Variants in NOX4 observed in about 807,000 individuals in gnomAD.
The protein encoded by NOX4 is kidney oxidase-1.
In NOX4, 69 loss-of-function variants were observed where a neutral mutation model predicts 87.6. That is an observed-to-expected ratio of 0.79 (90% CI 0.65 to 0.96). NOX4 has a LOEUF of 0.96. Ranked by LOEUF, NOX4 falls within the 40% of genes least tolerant of loss-of-function variation. The probability of loss-of-function intolerance (pLI) is 0.00; values close to 1 mark genes in which losing one functional copy is unlikely to be tolerated. For missense variants in NOX4, 680 were observed against 681.5 expected (o/e 1.00, Z 0.02); for synonymous variants, 275 against 238.2 (o/e 1.15, Z -1.42).
At chr11:89,564,630 G>T in the NOX4 span, among the ~76,000 whole-genome samples, 1 of 152,078 alleles carries the variant, frequency 6.6e-6, no homozygotes, top group Non-Finnish European at 1.5e-5. Flanking sequence ...GAGCTTGTTT[G>T]TTTGCAACAC....
At chr11:89,460,142 C>T (rs1488798316) in intron 2 of NOX4, among the ~76,000 whole-genome samples, 2 of 152,092 alleles carry the variant, frequency 1.3e-5, no homozygotes, top group Non-Finnish European at 2.9e-5. Context: ...CTTCCTTACA[C>T]CTTATACAAA....
intron 13 of NOX4, among the ~76,000 whole-genome samples, chr11:89,343,870 C>T (rs1173925472): frequency 2.0e-5 from 3 of 151,884 alleles, no homozygotes; most frequent in Non-Finnish European, 2.9e-5. Context: ...TAAGATAATT[C>T]TAAGAATAAG....
chr11:89,409,124 T>G (rs1316833360), intron 8 of NOX4, among the ~76,000 whole-genome samples: 1 of 152,138 alleles, frequency 6.6e-6, no homozygotes, highest in Non-Finnish European at 1.5e-5. Context: ...ATCCATTACT[T>G]CTTAGTATTT....
rs566233204 is a variant in NOX4, at chr11:89,425,557, T to A, written c.549-3575A>T. Among the ~76,000 whole-genome samples the A allele has an allele frequency of 2.6e-5, 4 of 152,094 alleles. No individual in the cohort carries two copies. In the South Asian group the frequency reaches 6.2e-4, roughly 24 times the overall value. On this transcript the variant is annotated intron_variant, in intron 7 of 17. Coordinates refer to ENST00000263317, the MANE Select transcript of NOX4 (RefSeq NM_016931.5). ...ATATTTATTAACGTAAAAATGTTCA[T>A]AATATAAATTTAGGCAAAAAGTAAA...
At chr11:89,374,175 T>C (rs766685138) in intron 11 of NOX4, among the ~76,000 whole-genome samples, 36 of 152,192 alleles carry the variant, frequency 2.4e-4, no homozygotes, top group Non-Finnish European at 4.7e-4. Context: ...TCTTGTTTTC[T>C]GGATTCCTAC....
chr11:89,530,425 C>A, the NOX4 span, among the ~76,000 whole-genome samples: 1 of 150,158 alleles, frequency 6.7e-6, no homozygotes, highest in Non-Finnish European at 1.5e-5. Context: ...TCACTGCAAC[C>A]TCCACCTCCT....
the NOX4 span, among the ~76,000 whole-genome samples, chr11:89,509,905 T>C: frequency 3.3e-5 from 5 of 151,976 alleles, no homozygotes; most frequent in African/African-American, 1.2e-4. Flanking sequence ...ACCTCCTCTA[T>C]GCCAGGCACT....
At chr11:89,433,252 A>G (rs1943905832) in intron 6 of NOX4, among the ~76,000 whole-genome samples, 1 of 152,114 alleles carries the variant, frequency 6.6e-6, no homozygotes, top group South Asian at 2.1e-4. Context: ...CTACAGTGGT[A>G]CAGAACACCA....
intron 2 of NOX4, among the ~76,000 whole-genome samples, chr11:89,463,137 C>T (rs185214435): frequency 1.3e-5 from 2 of 151,842 alleles, no homozygotes; most frequent in East Asian, 3.9e-4. Context: ...TTAATAAAAA[C>T]AAAAATAATT....
chr11:89,405,080 TTGTGTGTGTGTGTGTGTGTGTG>T (rs71472257), intron 8 of NOX4, among the ~76,000 whole-genome samples: 1 of 133,192 alleles, frequency 7.5e-6, no homozygotes, highest in African/African-American at 2.8e-5. Context: ...AAAAGTCAGA[TTGTGTGTGTGTGTGTGTGTGTG>T]TGTGTGTGTG....
At chr11:89,394,746 T>C (rs1441116901) in intron 11 of NOX4, among the ~76,000 whole-genome samples, 1 of 151,572 alleles carries the variant, frequency 6.6e-6, no homozygotes, top group African/African-American at 2.4e-5. Flanking sequence ...AGTGAGAACA[T>C]GTGGTGTTTG....
the NOX4 span, among the ~76,000 whole-genome samples, chr11:89,509,272 C>G: frequency 6.6e-6 from 1 of 151,808 alleles, no homozygotes; most frequent in African/African-American, 2.4e-5. Context: ...TAGACATTAA[C>G]CAGCACGATT....
chr11:89,546,447 T>A, the NOX4 span, among the ~76,000 whole-genome samples: 1 of 152,290 alleles, frequency 6.6e-6, no homozygotes, highest in South Asian at 2.1e-4. Flanking sequence ...CATTTAAGCT[T>A]GTTGCAGGAT....
At chr11:89,514,517 G>C in the NOX4 span, among the ~76,000 whole-genome samples, 3 of 151,360 alleles carry the variant, frequency 2.0e-5, no homozygotes, top group African/African-American at 2.4e-5. Context: ...TAGTTTTTCT[G>C]ACTACAAACT....
At chr11:89,419,180 A>G (rs1406414720) in intron 8 of NOX4, among the ~76,000 whole-genome samples, 4 of 151,940 alleles carry the variant, frequency 2.6e-5, no homozygotes, top group African/African-American at 4.8e-5. Context: ...TACTTACCAC[A>G]TTGATGGACA....
intron 13 of NOX4, among the ~76,000 whole-genome samples, chr11:89,347,132 G>A (rs1238315748): frequency 6.6e-6 from 1 of 152,170 alleles, no homozygotes; most frequent in Non-Finnish European, 1.5e-5. Context: ...TATGTATACT[G>A]TGGAAAATCT....
chr11:89,565,151 C>T, the NOX4 span, among the ~76,000 whole-genome samples: 3 of 152,126 alleles, frequency 2.0e-5, no homozygotes, highest in Non-Finnish European at 4.4e-5. Flanking sequence ...ATTCTCTTCT[C>T]TTTATTTAAC....
the NOX4 span, among the ~76,000 whole-genome samples, chr11:89,572,540 T>A: frequency 6.6e-6 from 1 of 152,042 alleles, no homozygotes; most frequent in Non-Finnish European, 1.5e-5. Flanking sequence ...TGTTTGTTTG[T>A]TTGTTTGTTT....
the NOX4 span, among the ~76,000 whole-genome samples, chr11:89,585,519 G>A: frequency 6.6e-6 from 1 of 152,106 alleles, no homozygotes; most frequent in Non-Finnish European, 1.5e-5. Context: ...TGGGCCATAT[G>A]GTTTTTGCTG....
Sources: allele counts gnomAD v4.1 joint callset (sites outside exome capture counted in the v4.1 genomes callset), GRCh38; gene constraint gnomAD v4.1.1; transcripts MANE v1.5; gene names NCBI Gene and HGNC (gene_info 2026-07-23, HGNC 2026-07-21).